Variants in UGT1A10 observed in about 807,000 individuals in gnomAD.
UGT1A10 encodes UDP-glucuronosyltransferase 1A10.
UGT1A10 carries 49 observed loss-of-function variants against 45.8 expected under a neutral mutation model. The ratio of observed to expected loss-of-function variants is 1.07; its 90% CI spans 0.85 to 1.36. UGT1A10 has a LOEUF of 1.36. Ranked by LOEUF, UGT1A10 falls within the 40% of genes most tolerant of loss-of-function variation. The probability of loss-of-function intolerance (pLI) is 0.00; values close to 1 mark genes in which losing one functional copy is unlikely to be tolerated. For missense variants in UGT1A10, 745 were observed against 668.6 expected, an observed-to-expected ratio of 1.11 and a Z score of -1.26; for synonymous variants, 284 against 249.7, an observed-to-expected ratio of 1.14 and a Z score of -1.29.
intron 1 of UGT1A10, among the ~76,000 whole-genome samples, chr2:233,678,660 A>G (rs1039962711): frequency 2.6e-5 from 4 of 152,204 alleles, no homozygotes; most frequent in African/African-American, 4.8e-5. Flanking sequence ...AAGCATTTCT[A>G]TGAGGCTTGT....
At chr2:233,674,830 T>C (rs1414701577) in intron 1 of UGT1A10, among the ~76,000 whole-genome samples, 5 of 152,152 alleles carry the variant, frequency 3.3e-5, no homozygotes, top group Non-Finnish European at 1.5e-5. Context: ...CAAAGAGCCT[T>C]GGATATGGCC....
chr2:233,661,623 T>TTTTCTTTCCTTCTTTCTTTCTTTCTTTC (rs1553602618), intron 1 of UGT1A10, among the ~76,000 whole-genome samples: 1 of 123,952 alleles, frequency 8.1e-6, no homozygotes, highest in African/African-American at 3.2e-5. Flanking sequence ...ACTTACTGAA[T>TTTTCTTTCCTTCTTTCTTTCTTTCTTTC]TTTCTTTCTT....
At chr2:233,753,985 C>G (rs1431608078) in intron 1 of UGT1A10, among the ~76,000 whole-genome samples, 1 of 152,164 alleles carries the variant, frequency 6.6e-6, no homozygotes, top group Non-Finnish European at 1.5e-5. Context: ...TGTTTTAAGC[C>G]ACCAAGTTTG....
intron 1 of UGT1A10, among the ~76,000 whole-genome samples, chr2:233,710,674 T>G (rs938811866): frequency 9.9e-5 from 15 of 152,206 alleles, no homozygotes; most frequent in Non-Finnish European, 2.2e-4. Context: ...CAGATAGTTG[T>G]GTTTCTGTTT....
At chr2:233,709,276 T>A (rs912959926) in intron 1 of UGT1A10, among the ~76,000 whole-genome samples, 1 of 152,202 alleles carries the variant, frequency 6.6e-6, no homozygotes, top group African/African-American at 2.4e-5. Flanking sequence ...ACGCTGTGAA[T>A]TACCCTTCAA....
intron 1 of UGT1A10, among the ~76,000 whole-genome samples, chr2:233,711,702 C>A (rs1389378029): frequency 3.3e-5 from 5 of 152,302 alleles, no homozygotes; most frequent in South Asian, 2.1e-4. Context: ...AACTTCCTCC[C>A]TAAGGGAAGC....
At chr2:233,749,490 C>A (rs1026732516) in intron 1 of UGT1A10, among the ~76,000 whole-genome samples, 4 of 151,770 alleles carry the variant, frequency 2.6e-5, no homozygotes, top group Non-Finnish European at 5.9e-5. Flanking sequence ...TCTTGCTATG[C>A]CCCTTAGAGA....
intron 1 of UGT1A10, chr2:233,761,011 GTGA>G (rs759864220): frequency 6.2e-7 from 1 of 1,614,156 alleles, no homozygotes; most frequent in Non-Finnish European, 8.5e-7. Context: ...TCAGAGAGAG[GTGA>G]CTGTCCAGGA....
intron 1 of UGT1A10, chr2:233,754,910 C>A: frequency 7.4e-7 from 1 of 1,353,942 alleles, no homozygotes; most frequent in African/African-American, 1.5e-5. Flanking sequence ...CCAAAATATT[C>A]TCCAGCGGGT....
At chr2:233,637,514 C>G in intron 1 of UGT1A10, 137 bp downstream of exon 1, 1 of 1,463,516 alleles carries the variant, frequency 6.8e-7, no homozygotes. Context: ...TTATTTTGTG[C>G]GAATTCATGT....
At chr2:233,718,263 G>A (rs889677114) in intron 1 of UGT1A10, among the ~76,000 whole-genome samples, 4 of 152,166 alleles carry the variant, frequency 2.6e-5, no homozygotes, top group African/African-American at 9.7e-5. Context: ...ATATCCTGGT[G>A]TGAAAAAAGA....
At chr2:233,647,221 G>A (rs1416572292) in intron 1 of UGT1A10, among the ~76,000 whole-genome samples, 2 of 152,190 alleles carry the variant, frequency 1.3e-5, no homozygotes, top group Non-Finnish European at 2.9e-5. Context: ...CGTGGAAATT[G>A]TGGGAGTTCC....
intron 1 of UGT1A10, among the ~76,000 whole-genome samples, chr2:233,706,125 C>T (rs2075890628): frequency 6.6e-6 from 1 of 152,166 alleles, no homozygotes; most frequent in Non-Finnish European, 1.5e-5. Flanking sequence ...AGGACACTGA[C>T]AGCAAAGTAT....
chr2:233,743,619 A>G, intron 1 of UGT1A10: 2 of 1,367,304 alleles, frequency 1.5e-6, no homozygotes, highest in African/African-American at 3.0e-5. Context: ...AACTCCCTGA[A>G]GACGTCGGCT....
chr2:233,642,330 A>G (rs1198283735), intron 1 of UGT1A10, among the ~76,000 whole-genome samples: 1 of 152,072 alleles, frequency 6.6e-6, no homozygotes, highest in Non-Finnish European at 1.5e-5. Context: ...TGCCGATTGC[A>G]TTTTTCAGCT....
intron 2 of UGT1A10, among the ~76,000 whole-genome samples, chr2:233,767,377 A>C (rs897397722): frequency 2.0e-5 from 3 of 152,190 alleles, no homozygotes; most frequent in Non-Finnish European, 4.4e-5. Context: ...ACTATGATCC[A>C]CCACACTCAG....
chr2:233,670,162 AG>A (rs2074153443), intron 1 of UGT1A10, among the ~76,000 whole-genome samples: 1 of 152,248 alleles, frequency 6.6e-6, no homozygotes. Context: ...GAAAATCTTA[AG>A]GAAGAGAAAA....
intron 1 of UGT1A10, among the ~76,000 whole-genome samples, chr2:233,687,932 T>C (rs1013088833): frequency 6.6e-6 from 1 of 152,206 alleles, no homozygotes; most frequent in African/African-American, 2.4e-5. Context: ...AATAAATACA[T>C]GAATAAATAA....
chr2:233,681,130 G>A (rs1310080608), intron 1 of UGT1A10, among the ~76,000 whole-genome samples: 1 of 151,768 alleles, frequency 6.6e-6, no homozygotes, highest in Admixed American at 6.6e-5. Flanking sequence ...AGAGACACAG[G>A]TGAGCCGCAA....
Sources: allele counts gnomAD v4.1 joint callset (sites outside exome capture counted in the v4.1 genomes callset), GRCh38; gene constraint gnomAD v4.1.1; transcripts MANE v1.5; gene names NCBI Gene and HGNC (gene_info 2026-07-23, HGNC 2026-07-21).